The following PRKCH variants were observed in gnomAD, a reference collection of about 807,000 sequenced individuals.
PRKCH encodes protein kinase C eta type.
In PRKCH, 28 loss-of-function variants were observed where a neutral mutation model predicts 82.5. The ratio of observed to expected loss-of-function variants is 0.34; its 90% CI spans 0.25 to 0.47. PRKCH has a LOEUF of 0.47. Ranked by LOEUF, PRKCH falls within the 20% of genes least tolerant of loss-of-function variation. PRKCH has a pLI of 1.00. For synonymous variants in PRKCH, 322 were observed against 327.4 expected, an observed-to-expected ratio of 0.98 and a Z score of 0.18; for missense variants, 705 against 881.8, an observed-to-expected ratio of 0.80 and a Z score of 2.54.
chr14:61,207,668 TAA>T (rs2140043079), intron 1 of PRKCH, among the ~76,000 whole-genome samples: 1 of 152,332 alleles, frequency 6.6e-6, no homozygotes, highest in Admixed American at 6.5e-5. Flanking sequence ...AGGGCTATGC[TAA>T]GTTTTCTTTA....
At chr14:61,214,483 G>T (rs924127623) in intron 1 of PRKCH, among the ~76,000 whole-genome samples, 3 of 152,050 alleles carry the variant, frequency 2.0e-5, no homozygotes, top group Admixed American at 6.5e-5. Flanking sequence ...AGTTAATCTT[G>T]GTGGTTGTCT....
At chr14:61,541,630 G>A (rs2043187128) in intron 12 of PRKCH, among the ~76,000 whole-genome samples, 1 of 152,194 alleles carries the variant, frequency 6.6e-6, no homozygotes, top group African/African-American at 2.4e-5. Context: ...AGAAAATACA[G>A]TGTTCTCTGG....
chr14:61,352,652 GAAAGAA>G (rs1479252758), intron 1 of PRKCH, among the ~76,000 whole-genome samples: 4 of 131,288 alleles, frequency 3.0e-5, no homozygotes, highest in Non-Finnish European at 6.5e-5. Context: ...AAGAAAGAAA[GAAAGAA>G]AGAGAGAGAG....
At chr14:61,291,323 CTTTTTTTTTTTTT>C (rs533117559) in intron 1 of PRKCH, among the ~76,000 whole-genome samples, 2 of 96,690 alleles carry the variant, frequency 2.1e-5, no homozygotes, top group African/African-American at 3.6e-5. Flanking sequence ...CCCTCTGGTT[CTTTTTTTTTTTTT>C]TTTTTTTTTT....
At chr14:61,289,295 G>C (rs1381307053) in intron 1 of PRKCH, among the ~76,000 whole-genome samples, 1 of 152,218 alleles carries the variant, frequency 6.6e-6, no homozygotes, top group South Asian at 2.1e-4. Flanking sequence ...TATAGGCTGG[G>C]CATAAAAATC....
intron 1 of PRKCH, among the ~76,000 whole-genome samples, chr14:61,342,694 C>T (rs2045943778): frequency 6.6e-6 from 1 of 152,206 alleles, no homozygotes; most frequent in South Asian, 2.1e-4. Context: ...GGAGGTGTTT[C>T]AGCCCTCACT....
intron 1 of PRKCH, among the ~76,000 whole-genome samples, chr14:61,355,699 G>T (rs2046138760): frequency 6.6e-6 from 1 of 152,082 alleles, no homozygotes; most frequent in South Asian, 2.1e-4. Flanking sequence ...GACTTTATTG[G>T]TTGCTTCACG....
In PRKCH at chr14:61,368,655, C is replaced by G. The variant is rs527968560; in HGVS notation, c.364-22570C>G. 2.6e-5 allele frequency among the ~76,000 whole-genome samples: 4 copies of G among 152,198 alleles called. No homozygotes were observed. The South Asian group carries it at 8.3e-4, about 32-fold the overall frequency. ...TGATCACCTCCTCTCTTACAGACTG[C>G]GGAGCTAAAGTGGGCTGCTGGTTGG... is the stretch of plus-strand genomic sequence containing the variant. On this transcript the variant is annotated intron_variant, in intron 1 of 13. Coordinates refer to ENST00000332981, the MANE Select transcript of PRKCH (RefSeq NM_006255.5).
chr14:61,457,163 C>A lies in PRKCH; in HGVS notation c.961-13C>A, dbSNP rs1566893303. On this transcript the variant is annotated splice_polypyrimidine_tract_variant and intron_variant, in intron 7 of 13. Transcript: ENST00000332981. Reference sequence around the variant, plus strand: ...GCTGCAATTTCTGACTTAATGTGTTCTTACTCTTTCAGAAACTCGTTTCCA... The same window carrying A: ...GCTGCAATTTCTGACTTAATGTGTTATTACTCTTTCAGAAACTCGTTTCCA... 6.2e-7 allele frequency: 1 copy of A among 1,613,284 alleles called. No individual in the cohort carries two copies. Among genetic ancestry groups the A allele is most frequent in the Non-Finnish European group, 8.5e-7 (1 of 1,179,558 alleles).
intron 1 of PRKCH, among the ~76,000 whole-genome samples, chr14:61,309,554 C>T (rs561372706): frequency 6.6e-6 from 1 of 152,322 alleles, no homozygotes; most frequent in East Asian, 1.9e-4. Flanking sequence ...CCAAGGCCAT[C>T]TAGCAATTTT....
intron 1 of PRKCH, among the ~76,000 whole-genome samples, chr14:61,225,755 A>G (rs1237000521): frequency 7.6e-6 from 1 of 130,860 alleles, no homozygotes; most frequent in Non-Finnish European, 1.6e-5. Flanking sequence ...TTTTTTTTTT[A>G]ACAGACAGGG....
intron 1 of PRKCH, among the ~76,000 whole-genome samples, chr14:61,290,216 T>A (rs545593396): frequency 6.6e-6 from 1 of 151,220 alleles, no homozygotes; most frequent in African/African-American, 2.4e-5. Flanking sequence ...TGCTTGAACC[T>A]GGGAGGCGGA....
intron 2 of PRKCH, among the ~76,000 whole-genome samples, chr14:61,403,963 CT>C (rs1449551747): frequency 6.6e-6 from 1 of 152,130 alleles, no homozygotes; most frequent in African/African-American, 2.4e-5. Context: ...TTTCATTATA[CT>C]TCCATTTTAT....
chr14:61,451,599 C>G (rs192599040), intron 6 of PRKCH, among the ~76,000 whole-genome samples: 19 of 152,314 alleles, frequency 1.2e-4, no homozygotes, highest in African/African-American at 4.6e-4. Flanking sequence ...GAGTTTGGAG[C>G]TTTGGCCCTA....
chr14:61,311,514 C>T (rs1179774945), intron 1 of PRKCH, among the ~76,000 whole-genome samples: 1 of 152,202 alleles, frequency 6.6e-6, no homozygotes, highest in Non-Finnish European at 1.5e-5. Context: ...CCCATATCTT[C>T]CTGTTTTCTT....
chr14:61,522,026 C>A (rs948199522), intron 10 of PRKCH, among the ~76,000 whole-genome samples: 4 of 152,260 alleles, frequency 2.6e-5, no homozygotes, highest in African/African-American at 7.2e-5. Flanking sequence ...TGACATCTAG[C>A]CATGTGTATT....
chr14:61,384,320 A>G (rs2046554651), intron 1 of PRKCH, among the ~76,000 whole-genome samples: 1 of 152,168 alleles, frequency 6.6e-6, no homozygotes, highest in Non-Finnish European at 1.5e-5. Context: ...GGCTTCCCAG[A>G]TGGTGGTCCG....
intron 1 of PRKCH, among the ~76,000 whole-genome samples, chr14:61,302,238 A>G (rs2045453354): frequency 6.6e-6 from 1 of 152,270 alleles, no homozygotes; most frequent in Admixed American, 6.5e-5. Context: ...CTTACCATAA[A>G]TCCTGCCTTA....
intron 1 of PRKCH, among the ~76,000 whole-genome samples, chr14:61,380,924 G>T (rs2046498390): frequency 6.6e-6 from 1 of 152,142 alleles, no homozygotes; most frequent in South Asian, 2.1e-4. Context: ...GAACCTGGGG[G>T]TACTGGGATC....
Sources: allele counts gnomAD v4.1 joint callset (sites outside exome capture counted in the v4.1 genomes callset), GRCh38; gene constraint gnomAD v4.1.1; transcripts MANE v1.5; gene names NCBI Gene and HGNC (gene_info 2026-07-23, HGNC 2026-07-21).